DGKQ: variants seen among roughly 807,000 people sequenced by gnomAD.
DGKQ encodes the protein diacylglycerol kinase theta, also known as DAG kinase theta.
A neutral mutation model predicts 104.2 loss-of-function variants in DGKQ; 97 were observed. The observed-to-expected ratio is 0.93, with a 90% CI of 0.79 to 1.10. The LOEUF is 1.10. Among genes scored for constraint, DGKQ ranks in the 50% least tolerant of loss-of-function variants. The probability of loss-of-function intolerance (pLI) is 0.00; values close to 1 mark genes in which losing one functional copy is unlikely to be tolerated. For missense variants in DGKQ, 1,465 were observed against 1,352.1 expected (o/e 1.08, Z -1.31); for synonymous variants, 736 against 595.2 (o/e 1.24, Z -3.44).
chr4:964,742 G>A (rs563670094), intron 15 of DGKQ, among the ~76,000 whole-genome samples: 17 of 152,326 alleles, frequency 1.1e-4, no homozygotes, highest in African/African-American at 3.6e-4. Flanking sequence ...AGGCTGTACC[G>A]GGAGGGCCAT....
intron 22 of DGKQ, 49 bp downstream of exon 22, chr4:961,000 G>C: frequency 1.3e-6 from 2 of 1,599,170 alleles, no homozygotes; most frequent in Non-Finnish European, 1.7e-6. Context: ...TCCCATGGCC[G>C]GCCCAGCCCG....
At position 966,049 on chromosome 4, in the gene DGKQ, C is replaced by CCG; in HGVS notation, c.1456_1457dup (p.Phe487GlyfsTer10). On this transcript the variant is annotated frameshift_variant, in exon 13 of 23. Transcript: ENST00000273814. LOFTEE classifies it high-confidence loss of function. The stretch of plus-strand genomic sequence containing the variant: ...CATCCCTGCTCTCTGCCACGTAGAA[C>CCG]CGCGTCTGGCTCACCTGCCGCACAG... 1.9e-6 allele frequency: 3 copies of CCG among 1,603,124 alleles called. No individual in the cohort carries two copies. The highest frequency in any genetic ancestry group is 2.6e-6 in the Non-Finnish European group (3 of 1,175,934).
At chr4:964,785 C>T (rs1026928643) in intron 15 of DGKQ, among the ~76,000 whole-genome samples, 1 of 152,198 alleles carries the variant, frequency 6.6e-6, no homozygotes, top group Non-Finnish European at 1.5e-5. Context: ...CACAAACACG[C>T]TCTGGCCCTT....
rs767918132 is a variant in DGKQ, at chr4:967,048, G to A, written c.1227C>T (p.Gly409=). The change falls in exon 10 of 23, where the codon GGC becomes GGT. Residue 409 remains glycine, a synonymous_variant. Transcript: ENST00000273814. ...TCACTCGCACGGACACGTAGGCCACGCCCACCCTGTGGGGACACAGTCTGA... is the reference window on the plus strand; with the variant it reads ...TCACTCGCACGGACACGTAGGCCACACCCACCCTGTGGGGACACAGTCTGA... ...LKIYPGWLKV[G]VAYVSVRVTP... is the part of the protein sequence containing the mutation. The A allele has an allele frequency of 1.8e-5, 28 of 1,555,696 alleles. No individual in the cohort carries two copies. In the East Asian group the frequency reaches 2.4e-4, roughly 13 times the overall value.
chr4:963,589 C>T (rs1378819398), intron 15 of DGKQ, among the ~76,000 whole-genome samples: 3 of 152,238 alleles, frequency 2.0e-5, no homozygotes, highest in Non-Finnish European at 4.4e-5. Context: ...CCACACCCGC[C>T]TGGGCCATGC....
At chr4:968,757 C>T in intron 3 of DGKQ, 54 bp downstream of exon 3, 1 of 1,534,058 alleles carries the variant, frequency 6.5e-7, no homozygotes, top group Non-Finnish European at 8.9e-7. Flanking sequence ...GCTGGGCCAC[C>T]CTGGGCAGCA....
intron 18 of DGKQ, 92 bp downstream of exon 18, chr4:962,343 A>T (rs1471609978): frequency 7.7e-7 from 1 of 1,307,186 alleles, no homozygotes; most frequent in African/African-American, 1.5e-5. Flanking sequence ...CGTACACCCG[A>T]GTGTGGCTGG....
rs941868544 is a variant in DGKQ, at chr4:961,858, A to G, written c.2316-24T>C. ...GCCTGCAGGACGGGGCAGGTCACCC[A>G]TCACCAGGGGAAGCCCTACCCCGCC... On this transcript the variant is annotated intron_variant, in intron 19 of 22. Transcript: ENST00000273814. The G allele has an allele frequency of 3.8e-6, 6 of 1,592,060 alleles. No individual in the cohort carries two copies. In the Admixed American group the frequency reaches 6.8e-5, roughly 18 times the overall value.
Position 968,327 on chromosome 4 carries a change from G to T in DGKQ, c.618C>A (p.Ser206=). Residue 206 remains serine, a synonymous_variant, in exon 5 of 23, where the codon TCC becomes TCA. Transcript: ENST00000273814. ...RCEVCRKTCG[S]SDVLAGVRCE... ...AGCGCACGCCGGCCAGCACGTCAGA[G>T]GAGCCGCACGTCTTCCTGCAGACCT... 1 of 1,289,230 alleles carries T rather than the reference G, an allele frequency of 7.8e-7. No homozygotes were observed. 79.9% of individuals were successfully genotyped at this position (1,289,230 alleles called of 1,614,324 possible).
chr4:967,209 G>C lies in DGKQ; in HGVS notation c.1140C>G (p.Gly380=). 1 of 1,586,488 alleles carries C rather than the reference G, an allele frequency of 6.3e-7. No homozygotes were observed. The highest frequency in any genetic ancestry group is 8.6e-7 in the Non-Finnish European group (1 of 1,167,622). The change falls in exon 9 of 23, where the codon GGC becomes GGG. Residue 380 remains glycine (G), a synonymous_variant. Transcript: ENST00000273814. ...ISEEGRSPGS[G]EATPEAWVIR... is the part of the protein sequence containing the mutation. The stretch of plus-strand genomic sequence containing the variant: ...TGACCCAGGCCTCTGGCGTGGCCTC[G>C]CCGGACCCGGGGCTTCTGCCCTCCT...
rs1712291942 is a variant in DGKQ at position 965,988 on chromosome 4, G to A, written c.1519C>T (p.Pro507Ser). ...PHVSLFVGGL[P>S]PGLSPEEYSS... ...TACTCCTCGGGAGACAGGCCGGGAG[G>A]CAGGCCGCCAACAAACAGGGAGACG... The change falls in exon 13 of 23, where the codon CCT becomes TCT. Residue 507 changes from proline (P) to serine (S), a missense_variant. Transcript: ENST00000273814. 1.2e-6 allele frequency: 2 copies of A among 1,605,340 alleles called. No homozygotes were observed. Among genetic ancestry groups the A allele is most frequent in the South Asian group, 1.1e-5 (1 of 89,558 alleles).
intron 12 of DGKQ, 183 bp downstream of exon 12, chr4:966,283 T>A: frequency 1.2e-6 from 1 of 832,514 alleles, no homozygotes; most frequent in South Asian, 1.7e-5. Flanking sequence ...CTCGGGGAGA[T>A]CTGCAGCTCG....
At chr4:964,444 T>C (rs1336487943) in intron 15 of DGKQ, among the ~76,000 whole-genome samples, 1 of 152,106 alleles carries the variant, frequency 6.6e-6, no homozygotes, top group Non-Finnish European at 1.5e-5. Flanking sequence ...AGGCACGGTG[T>C]GCAGCGTGGA....
rs549244272 is a variant in DGKQ at position 960,112 on chromosome 4, C to T, written c.*508G>A. The T allele has an allele frequency of 2.7e-4, 42 of 158,490 alleles. No individual in the cohort carries two copies. Among genetic ancestry groups the T allele is most frequent in the Admixed American group, 1.0e-3 (17 of 16,340 alleles). The allele number at this position is 158,490 out of a possible 1,614,324, so 9.8% of individuals were successfully genotyped here. On this transcript the variant is annotated 3_prime_UTR_variant, in exon 23 of 23. Transcript: ENST00000273814. ...CGCTGCCCACACCTGCTGCCCAGGG[C>T]GGGGAGGTGAGGCTGGAGGGACTGG...
chr4:968,198 CG>C (rs1272602841), intron 5 of DGKQ, 83 bp downstream of exon 5: 2 of 742,740 alleles, frequency 2.7e-6, no homozygotes, highest in African/African-American at 1.9e-5. Flanking sequence ...TGCCCCGCCC[CG>C]CCAACTCCTC....
chr4:961,264 CT>C, intron 21 of DGKQ, 63 bp from the exon 22 acceptor site: 1 of 1,369,548 alleles, frequency 7.3e-7, no homozygotes, highest in Non-Finnish European at 9.6e-7. Context: ...TGACCTGGCC[CT>C]GGGGCGGGAG....
chr4:963,297 G>C lies in DGKQ; in HGVS notation c.1735-7C>G. ...CTGGGGGCAGCTTCGCGTGCTGACA[G>C]ACAGGGGGCTGGGTTAGGATGGGGA... On this transcript the variant is annotated splice_region_variant and splice_polypyrimidine_tract_variant and intron_variant, in intron 15 of 22. Transcript: ENST00000273814. 1 of 1,597,958 alleles carries C rather than the reference G, an allele frequency of 6.3e-7. No individual in the cohort carries two copies. Among genetic ancestry groups the C allele is most frequent in the Non-Finnish European group, 8.6e-7 (1 of 1,168,360 alleles).
At chr4:960,887 C>T in intron 22 of DGKQ, 162 bp downstream of exon 22, 1 of 985,368 alleles carries the variant, frequency 1.0e-6, no homozygotes. Flanking sequence ...TGTGGCCCGC[C>T]TGGCCACTGG....
At chr4:966,109 G>A (rs1214920261) in intron 12 of DGKQ, 31 bp from the exon 13 acceptor site, 23 of 1,568,284 alleles carry the variant, frequency 1.5e-5, no homozygotes, top group South Asian at 5.8e-5. Flanking sequence ...ATGCTGGGCC[G>A]GGGAGAACGG....
Sources: gnomAD v4.1 joint callset for allele counts (sites outside exome capture counted in the v4.1 genomes callset) on GRCh38, gnomAD v4.1.1 for gene constraint, MANE v1.5 for transcripts, NCBI Gene and HGNC (gene_info 2026-07-23, HGNC 2026-07-21) for gene names.